RYR2: variants seen among roughly 807,000 people sequenced by gnomAD.
RYR2 encodes the protein cardiac muscle ryanodine receptor-calcium release channel.
Under a neutral mutation model 601.1 loss-of-function variants are expected in RYR2, and 227 were observed. The ratio of observed to expected loss-of-function variants is 0.38; its 90% CI spans 0.34 to 0.42. The LOEUF (loss-of-function observed/expected upper bound fraction) is 0.42. RYR2 is among the 10% of genes least tolerant of loss of function. The pLI is 1.00. For synonymous variants in RYR2, 2,223 were observed against 2,175.1 expected (o/e 1.02, Z -0.61); for missense variants, 4,646 against 6,156.5 (o/e 0.75, Z 8.21).
At chr1:237,823,900 C>A (rs1433938484) in intron 101 of RYR2, among the ~76,000 whole-genome samples, 6 of 152,176 alleles carry the variant, frequency 3.9e-5, no homozygotes, top group Non-Finnish European at 5.9e-5. Flanking sequence ...ACTGTAGACA[C>A]CTTTACACAA....
chr1:237,454,403 T>C lies in RYR2; in HGVS notation c.1305T>C (p.Ala435=), dbSNP rs778943071. The change falls in exon 15 of 105, where the codon GCT becomes GCC. Residue 435 remains alanine, a synonymous_variant. Transcript: ENST00000366574. ...LFNRFIRGLD[A]LSKKAKASTV... ...TGGTTTATTTTAGGGGCCTTGATGC[T>C]CTCAGCAAGAAAGCGAAGGCTTCCA... 1 of 1,607,068 alleles carries C rather than the reference T, an allele frequency of 6.2e-7. No individual in the cohort carries two copies. Among genetic ancestry groups the C allele is most frequent in the Non-Finnish European group, 8.5e-7 (1 of 1,176,866 alleles).
intron 63 of RYR2, among the ~76,000 whole-genome samples, chr1:237,689,501 A>T (rs747415442): frequency 6.6e-6 from 1 of 152,162 alleles, no homozygotes; most frequent in Non-Finnish European, 1.5e-5. Flanking sequence ...AAGTTTGGTT[A>T]TTGAAGATAA....
At chr1:237,788,233 T>C in intron 92 of RYR2, 98 bp downstream of exon 92, 4 of 915,656 alleles carry the variant, frequency 4.4e-6, no homozygotes, top group Non-Finnish European at 6.6e-6. Context: ...GAGTGGCAGT[T>C]AGGGAACCAG....
chr1:237,649,070 T>C (rs867659200), intron 49 of RYR2, among the ~76,000 whole-genome samples: 2 of 152,370 alleles, frequency 1.3e-5, no homozygotes, highest in Middle Eastern at 3.4e-3. Context: ...TACAAATGGA[T>C]TGAAGGCTGT....
At position 237,138,442 on chromosome 1, in the gene RYR2, T is replaced by C. The variant is rs140545547; in HGVS notation, c.48+95873T>C. Among the ~76,000 whole-genome samples, 896 of 152,292 alleles carry C rather than the reference T, an allele frequency of 5.9e-3. 9 individuals carry two copies. The highest frequency in any genetic ancestry group is 0.02 in the African/African-American group (847 of 41,564). ...CCATGGCCTAGGAGACAAGAGACTG[T>C]GATTATTTTTATTCTCCAGCTCAAT... On this transcript the variant is annotated intron_variant, in intron 1 of 104. Transcript: ENST00000366574.
intron 63 of RYR2, among the ~76,000 whole-genome samples, chr1:237,687,936 G>A (rs1432169464): frequency 1.3e-5 from 2 of 152,044 alleles, no homozygotes; most frequent in Non-Finnish European, 2.9e-5. Context: ...CATGTCTTCT[G>A]CATTCCAAAC....
intron 50 of RYR2, 108 bp from the exon 51 acceptor site, chr1:237,651,303 A>G (rs1682705491): frequency 1.3e-6 from 1 of 742,284 alleles, no homozygotes; most frequent in African/African-American, 1.7e-5. Context: ...TACCATCTGA[A>G]GTGAGGTATA....
intron 1 of RYR2, among the ~76,000 whole-genome samples, chr1:237,132,104 A>G (rs1161272653): frequency 6.6e-6 from 1 of 152,222 alleles, no homozygotes; most frequent in Non-Finnish European, 1.5e-5. Flanking sequence ...TGCAAAAATG[A>G]CTGTGTAATT....
At chr1:237,736,747 C>A (rs1042996443) in intron 79 of RYR2, among the ~76,000 whole-genome samples, 1 of 152,148 alleles carries the variant, frequency 6.6e-6, no homozygotes, top group African/African-American at 2.4e-5. Flanking sequence ...ATAGGACTCA[C>A]GGACTGTGAA....
intron 25 of RYR2, among the ~76,000 whole-genome samples, chr1:237,543,937 T>A (rs995818731): frequency 6.6e-6 from 1 of 152,140 alleles, no homozygotes; most frequent in Non-Finnish European, 1.5e-5. Context: ...AATTTTTTGT[T>A]TATATCTTTG....
intron 17 of RYR2, among the ~76,000 whole-genome samples, chr1:237,491,290 G>A (rs917226487): frequency 6.6e-6 from 1 of 152,020 alleles, no homozygotes; most frequent in African/African-American, 2.4e-5. Context: ...CAAGGAGAAT[G>A]TCATGATCTC....
chr1:237,101,493 G>T (rs1343103437), intron 1 of RYR2, among the ~76,000 whole-genome samples: 1 of 151,780 alleles, frequency 6.6e-6, no homozygotes, highest in Admixed American at 6.6e-5. Context: ...TATTTATTGA[G>T]CAGTTACTAG....
chr1:237,286,393 T>C (rs1480444913), intron 2 of RYR2, among the ~76,000 whole-genome samples: 1 of 151,918 alleles, frequency 6.6e-6, no homozygotes, highest in African/African-American at 2.4e-5. Context: ...TTGCTTGATA[T>C]AATTTCAGTT....
intron 6 of RYR2, among the ~76,000 whole-genome samples, chr1:237,373,577 A>C (rs1700806791): frequency 6.6e-6 from 1 of 152,210 alleles, no homozygotes; most frequent in South Asian, 2.1e-4. Context: ...CTGTTCTTAC[A>C]ACACATTCAT....
chr1:237,307,709 T>C (rs919007379), intron 2 of RYR2, among the ~76,000 whole-genome samples: 4 of 152,232 alleles, frequency 2.6e-5, no homozygotes, highest in African/African-American at 9.6e-5. Context: ...ATGATATTTA[T>C]GTAGATCCTG....
intron 17 of RYR2, among the ~76,000 whole-genome samples, chr1:237,482,130 C>T (rs1662182586): frequency 6.6e-6 from 1 of 152,106 alleles, no homozygotes; most frequent in Non-Finnish European, 1.5e-5. Flanking sequence ...GAAATAAGCA[C>T]ATCATGGAGA....
At chr1:237,727,754 T>C (rs1275753678) in intron 76 of RYR2, among the ~76,000 whole-genome samples, 1 of 152,142 alleles carries the variant, frequency 6.6e-6, no homozygotes, top group Non-Finnish European at 1.5e-5. Flanking sequence ...AGAACTGACT[T>C]ATGGGAATAA....
intron 1 of RYR2, among the ~76,000 whole-genome samples, chr1:237,267,346 C>T (rs1488269683): frequency 2.0e-5 from 3 of 152,156 alleles, no homozygotes; most frequent in Admixed American, 2.0e-4. Flanking sequence ...TAGTGAGACC[C>T]TGTCTCTACT....
chr1:237,056,332 ATGAGGACTGGAGCCCTGCACCTG>A (rs1662046220), intron 1 of RYR2, among the ~76,000 whole-genome samples: 3 of 61,352 alleles, frequency 4.9e-5, no homozygotes, highest in Non-Finnish European at 6.6e-5. Flanking sequence ...CACTGCACCT[ATGAGGACTGGAGCCCTGCACCTG>A]TGAGGACTGG....
Sources: gnomAD v4.1 joint callset for allele counts (sites outside exome capture counted in the v4.1 genomes callset) on GRCh38, gnomAD v4.1.1 for gene constraint, MANE v1.5 for transcripts, NCBI Gene and HGNC (gene_info 2026-07-23, HGNC 2026-07-21) for gene names.